Variants in GRM1 observed in about 807,000 individuals in gnomAD.
The protein encoded by GRM1 is metabotropic glutamate receptor 1.
A neutral mutation model predicts 90.9 loss-of-function variants in GRM1; 33 were observed. The ratio of observed to expected loss-of-function variants is 0.36; its 90% CI spans 0.28 to 0.49. The LOEUF is 0.49. Among genes scored for constraint, GRM1 ranks in the 20% least tolerant of loss-of-function variants. GRM1 has a pLI of 0.99. For missense variants in GRM1, 1,190 were observed against 1,534.3 expected (o/e 0.78, Z 3.75); for synonymous variants, 700 against 613.2 (o/e 1.14, Z -2.09).
intron 7 of GRM1, among the ~76,000 whole-genome samples, chr6:146,414,981 A>C (rs756434811): frequency 6.6e-6 from 1 of 152,276 alleles, no homozygotes; most frequent in Middle Eastern, 3.4e-3. Context: ...ACTGTAATGC[A>C]TTATTACTGT....
At chr6:146,364,617 A>G (rs1775607760) in intron 5 of GRM1, among the ~76,000 whole-genome samples, 1 of 152,210 alleles carries the variant, frequency 6.6e-6, no homozygotes, top group Admixed American at 6.5e-5. Flanking sequence ...TGACCAAATT[A>G]ATGAATACCT....
intron 7 of GRM1, among the ~76,000 whole-genome samples, chr6:146,424,814 A>G (rs1778137536): frequency 1.3e-5 from 2 of 152,222 alleles, no homozygotes; most frequent in South Asian, 4.1e-4. Context: ...TGTATTTTCT[A>G]TCTTCTTTCA....
intron 5 of GRM1, among the ~76,000 whole-genome samples, chr6:146,371,201 A>G (rs896724070): frequency 6.6e-6 from 1 of 152,114 alleles, no homozygotes; most frequent in African/African-American, 2.4e-5. Flanking sequence ...CGGATCAGTA[A>G]TTAGATTCTA....
In GRM1 at chr6:146,089,020, G is replaced by T. The variant is rs77002534; in HGVS notation, c.700+58803G>T. Among the ~76,000 whole-genome samples the T allele has an allele frequency of 2.4e-4, 36 of 152,186 alleles. No individual in the cohort carries two copies. The East Asian group carries it at 7.0e-3, about 30-fold the overall frequency. ...CCTTTGTGTAATTTCTTCTTCTTGA[G>T]TGTGGGCAGGGTCTGTGACTGGCTT... On this transcript the variant is annotated intron_variant, in intron 1 of 7. Transcript: ENST00000282753.
At chr6:146,113,553 A>C (rs1775638181) in intron 1 of GRM1, among the ~76,000 whole-genome samples, 1 of 152,144 alleles carries the variant, frequency 6.6e-6, no homozygotes, top group Admixed American at 6.5e-5. Flanking sequence ...TGAGAATGCA[A>C]ATGAGGATAG....
intron 1 of GRM1, among the ~76,000 whole-genome samples, chr6:146,031,003 C>G (rs967702661): frequency 6.6e-6 from 1 of 152,054 alleles, no homozygotes; most frequent in Admixed American, 6.5e-5. Flanking sequence ...AAAGTTAGAT[C>G]AGTTATAAAA....
intron 1 of GRM1, among the ~76,000 whole-genome samples, chr6:146,050,181 C>T (rs369951612): frequency 1.3e-5 from 2 of 152,068 alleles, no homozygotes; most frequent in African/African-American, 2.4e-5. Flanking sequence ...ATATTGCATT[C>T]GACACACCTG....
chr6:146,182,301 C>T (rs553110976), intron 2 of GRM1, among the ~76,000 whole-genome samples: 7 of 151,668 alleles, frequency 4.6e-5, no homozygotes, highest in Non-Finnish European at 8.8e-5. Flanking sequence ...AATTGTTTCT[C>T]TTTGAAATAC....
chr6:146,187,803 G>A (rs1182577596), intron 2 of GRM1, among the ~76,000 whole-genome samples: 1 of 151,620 alleles, frequency 6.6e-6, no homozygotes, highest in African/African-American at 2.4e-5. Flanking sequence ...AAACAAAAGA[G>A]TAAAACGATA....
At position 146,330,501 on chromosome 6, in the gene GRM1, T is replaced by C. The variant is rs183173718; in HGVS notation, c.1187-21749T>C. ...ATACATAACAAACTCCTACATGTTA[T>C]AGAGATATTTTTGATCCAGTCTTGT... On this transcript the variant is annotated intron_variant, in intron 3 of 7. Coordinates refer to ENST00000282753, the MANE Select transcript of GRM1 (RefSeq NM_001278064.2). Among the ~76,000 whole-genome samples the C allele has an allele frequency of 2.5e-3, 374 of 152,316 alleles. 2 individuals carry two copies. The highest frequency in any genetic ancestry group is 0.02 in the Middle Eastern group (6 of 294).
chr6:146,138,975 C>T (rs1488323279), intron 1 of GRM1, among the ~76,000 whole-genome samples: 2 of 151,482 alleles, frequency 1.3e-5, no homozygotes, highest in Non-Finnish European at 2.9e-5. Context: ...GCTAAAATTT[C>T]CTCTTAATAC....
rs577823455 is a variant in GRM1 at position 146,424,340 on chromosome 6, C to G, written c.2661-9532C>G. On this transcript the variant is annotated intron_variant, in intron 7 of 7. Coordinates refer to ENST00000282753, the MANE Select transcript of GRM1 (RefSeq NM_001278064.2). ...GATCTTGTCGGGACTTATGCCCAACCCCTTGTCAATGGTGGAAAGTGGTAG... is the reference window on the plus strand; with the variant it reads ...GATCTTGTCGGGACTTATGCCCAACGCCTTGTCAATGGTGGAAAGTGGTAG... Among the ~76,000 whole-genome samples the G allele has an allele frequency of 2.0e-5, 3 of 152,264 alleles. No homozygotes were observed. In the East Asian group the frequency reaches 5.8e-4, roughly 29 times the overall value.
intron 2 of GRM1, among the ~76,000 whole-genome samples, chr6:146,207,657 A>G (rs779019381): frequency 1.1e-4 from 17 of 152,204 alleles, no homozygotes; most frequent in Non-Finnish European, 2.1e-4. Flanking sequence ...CCATAATACT[A>G]TCACACACCA....
chr6:146,278,948 G>A (rs747205411), intron 2 of GRM1, among the ~76,000 whole-genome samples: 11 of 152,008 alleles, frequency 7.2e-5, no homozygotes, highest in Non-Finnish European at 1.3e-4. Context: ...CTCCTAATCC[G>A]CCCGCCTCGG....
chr6:146,040,288 A>G (rs1385222706), intron 1 of GRM1, among the ~76,000 whole-genome samples: 1 of 152,008 alleles, frequency 6.6e-6, no homozygotes, highest in Non-Finnish European at 1.5e-5. Context: ...GTAGCGATAC[A>G]TGAGACTGTG....
At chr6:146,227,351 C>A (rs1482498164) in intron 2 of GRM1, among the ~76,000 whole-genome samples, 1 of 152,094 alleles carries the variant, frequency 6.6e-6, no homozygotes, top group South Asian at 2.1e-4. Context: ...CTGTAATTTA[C>A]ATTAGGGTTC....
At chr6:146,346,512 A>C (rs1233725004) in intron 3 of GRM1, among the ~76,000 whole-genome samples, 1 of 151,960 alleles carries the variant, frequency 6.6e-6, no homozygotes, top group Non-Finnish European at 1.5e-5. Context: ...AGTAAAATAT[A>C]GTGTCAGAGG....
intron 1 of GRM1, among the ~76,000 whole-genome samples, chr6:146,037,395 G>T (rs1790929496): frequency 6.6e-6 from 1 of 151,906 alleles, no homozygotes; most frequent in Non-Finnish European, 1.5e-5. Context: ...AAAACAAAAT[G>T]ACTTGCTCAA....
At chr6:146,179,050 T>G (rs1201478130) in intron 2 of GRM1, among the ~76,000 whole-genome samples, 1 of 152,176 alleles carries the variant, frequency 6.6e-6, no homozygotes, top group Non-Finnish European at 1.5e-5. Flanking sequence ...GGACTTTTTG[T>G]CCTGGAAGTA....
Sources: gnomAD v4.1 joint callset for allele counts (sites outside exome capture counted in the v4.1 genomes callset) on GRCh38, gnomAD v4.1.1 for gene constraint, MANE v1.5 for transcripts, NCBI Gene and HGNC (gene_info 2026-07-23, HGNC 2026-07-21) for gene names.